RBFOX1: variants seen among roughly 807,000 people sequenced by gnomAD.
The protein encoded by RBFOX1 is RNA binding protein fox-1 homolog 1.
Under a neutral mutation model 57.7 loss-of-function variants are expected in RBFOX1, and 8 were observed. That is an observed-to-expected ratio of 0.14 (90% CI 0.08 to 0.25). RBFOX1 has a LOEUF of 0.25. Among genes scored for constraint, RBFOX1 ranks in the 10% least tolerant of loss-of-function variants. The probability of loss-of-function intolerance (pLI) is 1.00; values close to 1 mark genes in which losing one functional copy is unlikely to be tolerated. For synonymous variants in RBFOX1, 326 were observed against 222.4 expected (o/e 1.47, Z -4.15); for missense variants, 611 against 548.5 (o/e 1.11, Z -1.14).
chr16:6,704,906 T>C (rs1034339473), intron 3 of RBFOX1: 3 of 152,200 alleles, frequency 2.0e-5, no homozygotes, highest in African/African-American at 7.2e-5. Context: ...TGTTTCTGGA[T>C]TTCAATTTTT....
chr16:6,548,213 C>T (rs1434206601), intron 2 of RBFOX1, among the ~76,000 whole-genome samples: 2 of 152,120 alleles, frequency 1.3e-5, no homozygotes, highest in East Asian at 3.9e-4. Flanking sequence ...TTATAATCTC[C>T]ATCAGTCTTG....
intron 14 of RBFOX1, among the ~76,000 whole-genome samples, chr16:7,705,388 C>T (rs950967327): frequency 6.6e-6 from 1 of 151,952 alleles, no homozygotes; most frequent in African/African-American, 2.4e-5. Flanking sequence ...ACCTGTAGTC[C>T]CAGCTATTCG....
At chr16:5,459,611 C>T (rs899541819) in intron 1 of RBFOX1, among the ~76,000 whole-genome samples, 4 of 152,068 alleles carry the variant, frequency 2.6e-5, no homozygotes, top group African/African-American at 7.2e-5. Context: ...TTCCTTCCCC[C>T]ACAAATCTTT....
intron 4 of RBFOX1, among the ~76,000 whole-genome samples, chr16:7,328,108 G>T (rs1360966523): frequency 2.0e-5 from 3 of 152,140 alleles, no homozygotes; most frequent in Non-Finnish European, 4.4e-5. Flanking sequence ...GGGCTCAAGT[G>T]ATCCTGCTGC....
chr16:6,653,874 C>T (rs1282445578), intron 2 of RBFOX1, among the ~76,000 whole-genome samples: 1 of 148,648 alleles, frequency 6.7e-6, no homozygotes, highest in Non-Finnish European at 1.5e-5. Context: ...GGGTGGATAG[C>T]TGGATGGATG....
At chr16:5,812,714 T>G (rs1427781661) in intron 3 of RBFOX1, among the ~76,000 whole-genome samples, 1 of 152,142 alleles carries the variant, frequency 6.6e-6, no homozygotes, top group African/African-American at 2.4e-5. Context: ...CTTTCACCTC[T>G]GCCTTCCAAA....
intron 1 of RBFOX1, among the ~76,000 whole-genome samples, chr16:6,261,216 T>C (rs1363661180): frequency 6.6e-6 from 1 of 152,118 alleles, no homozygotes; most frequent in East Asian, 1.9e-4. Context: ...GAGAGAAAAA[T>C]TGGCAATTGT....
intron 1 of RBFOX1, among the ~76,000 whole-genome samples, chr16:6,289,237 C>T (rs542660106): frequency 6.6e-6 from 1 of 152,158 alleles, no homozygotes; most frequent in Non-Finnish European, 1.5e-5. Context: ...CGTTCCTTGA[C>T]ATTTTTGGAA....
At chr16:7,309,170 G>C (rs1008830021) in intron 4 of RBFOX1, among the ~76,000 whole-genome samples, 10 of 152,192 alleles carry the variant, frequency 6.6e-5, no homozygotes, top group Admixed American at 5.2e-4. Context: ...GTCTTACGTC[G>C]TAAATTGGTT....
intron 6 of RBFOX1, among the ~76,000 whole-genome samples, chr16:7,587,040 C>G (rs2094164724): frequency 6.6e-6 from 1 of 152,190 alleles, no homozygotes; most frequent in African/African-American, 2.4e-5. Context: ...TATTTTGTAT[C>G]AAGCCTTGCC....
chr16:7,190,867 T>C (rs1343036382), intron 4 of RBFOX1, among the ~76,000 whole-genome samples: 2 of 152,224 alleles, frequency 1.3e-5, no homozygotes, highest in African/African-American at 4.8e-5. Context: ...GGATTGACTA[T>C]TCTTCAGAGG....
At chr16:7,557,961 T>G (rs1480750601) in intron 5 of RBFOX1, among the ~76,000 whole-genome samples, 2 of 152,092 alleles carry the variant, frequency 1.3e-5, no homozygotes, top group Non-Finnish European at 2.9e-5. Flanking sequence ...ATCCAGATAC[T>G]CTAAACAAAC....
chr16:6,278,645 TA>T (rs1263011926), intron 1 of RBFOX1, among the ~76,000 whole-genome samples: 7 of 151,912 alleles, frequency 4.6e-5, no homozygotes, highest in South Asian at 4.2e-4. Flanking sequence ...TTTAGGTTGT[TA>T]AAAAAAAGTC....
chr16:7,256,781 C>G lies in RBFOX1; in HGVS notation c.27+204683C>G, dbSNP rs549555835. On this transcript the variant is annotated intron_variant, in intron 4 of 15. Transcript: ENST00000550418. ...CGGTTGTCCTGTGAGTTGCATTTAA[C>G]TTCGAATCTTGGACCAGTCACCAGC... Among the ~76,000 whole-genome samples, 8 of 152,254 alleles carry G rather than the reference C, an allele frequency of 5.3e-5. No individual in the cohort carries two copies. The East Asian group carries it at 1.4e-3, about 26-fold the overall frequency.
At chr16:6,964,619 A>G (rs541828941) in intron 3 of RBFOX1, among the ~76,000 whole-genome samples, 3 of 152,288 alleles carry the variant, frequency 2.0e-5, no homozygotes, top group Admixed American at 2.0e-4. Flanking sequence ...TCCTCTAAAA[A>G]ATAACGTTAG....
chr16:5,392,601 C>T (rs1041386533), intron 1 of RBFOX1, among the ~76,000 whole-genome samples: 1 of 150,740 alleles, frequency 6.6e-6, no homozygotes, highest in Non-Finnish European at 1.5e-5. Flanking sequence ...TGCAGTGGTG[C>T]AATCACGACT....
At chr16:7,688,103 G>A (rs1426175225) in intron 14 of RBFOX1, among the ~76,000 whole-genome samples, 1 of 152,054 alleles carries the variant, frequency 6.6e-6, no homozygotes, top group Non-Finnish European at 1.5e-5. Context: ...AATACGTACA[G>A]GTAGAATTGG....
At chr16:6,597,437 G>C (rs2097787521) in intron 2 of RBFOX1, among the ~76,000 whole-genome samples, 1 of 152,090 alleles carries the variant, frequency 6.6e-6, no homozygotes, top group Non-Finnish European at 1.5e-5. Flanking sequence ...ACTTTGGGAG[G>C]CCGAGGTGGG....
intron 4 of RBFOX1, among the ~76,000 whole-genome samples, chr16:7,219,929 T>A (rs185321081): frequency 1.3e-5 from 2 of 152,312 alleles, no homozygotes; most frequent in African/African-American, 4.8e-5. Flanking sequence ...TCAGTAGGGT[T>A]TAGTAGCTAT....
Sources: allele counts gnomAD v4.1 joint callset (sites outside exome capture counted in the v4.1 genomes callset), GRCh38; gene constraint gnomAD v4.1.1; transcripts MANE v1.5; gene names NCBI Gene and HGNC (gene_info 2026-07-23, HGNC 2026-07-21).